Variants in NOL4 observed in about 807,000 individuals in gnomAD.
NOL4 encodes nucleolar protein 4.
NOL4 carries 17 observed loss-of-function variants against 75.9 expected under a neutral mutation model. The observed-to-expected ratio is 0.22, with a 90% CI of 0.15 to 0.34. NOL4 has a LOEUF of 0.34. NOL4 is among the 10% of genes least tolerant of loss of function. The pLI is 1.00. For synonymous variants in NOL4, 292 were observed against 289.9 expected, an observed-to-expected ratio of 1.01 and a Z score of -0.07; for missense variants, 614 against 793.5, an observed-to-expected ratio of 0.77 and a Z score of 2.72.
chr18:33,948,501 C>T (rs2068988559), intron 8 of NOL4, among the ~76,000 whole-genome samples: 1 of 151,934 alleles, frequency 6.6e-6, no homozygotes, highest in Admixed American at 6.6e-5. Flanking sequence ...TAGAGATAGT[C>T]TGCAACTAAG....
Position 33,852,724 on chromosome 18 carries a change from G to T in NOL4, c.*118C>A. The T allele has an allele frequency of 1.2e-6, 1 of 854,894 alleles. No homozygotes were observed. Among genetic ancestry groups the T allele is most frequent in the Non-Finnish European group, 1.8e-6 (1 of 557,590 alleles). 53.0% of individuals were successfully genotyped at this position (854,894 alleles called of 1,614,324 possible). On this transcript the variant is annotated 3_prime_UTR_variant, in exon 11 of 11. Transcript: ENST00000261592. ...CGGATCAAGGACAATGTGGCATAAT[G>T]GAAGTATTTCTCTTAAAAGACTGTG...
chr18:33,927,356 T>C (rs551089208), intron 9 of NOL4, among the ~76,000 whole-genome samples: 1 of 152,298 alleles, frequency 6.6e-6, no homozygotes, highest in East Asian at 1.9e-4. Context: ...TTCCTATCAT[T>C]TTTCTCCTGA....
rs1396145815 is a variant in NOL4 at position 34,142,298 on chromosome 18, A to G, written c.265-12278T>C. 3.9e-5 allele frequency among the ~76,000 whole-genome samples: 6 copies of G among 152,220 alleles called. No individual in the cohort carries two copies. In the East Asian group the frequency reaches 1.2e-3, roughly 29 times the overall value. ...CGATTCCTCAAGGATCTAGAACTAGAAATACCATTTGACCCAGCCATCCCA... is the reference window on the plus strand; with the variant it reads ...CGATTCCTCAAGGATCTAGAACTAGGAATACCATTTGACCCAGCCATCCCA... On this transcript the variant is annotated intron_variant, in intron 1 of 10. Coordinates refer to ENST00000261592, the MANE Select transcript of NOL4 (RefSeq NM_003787.5).
At chr18:33,887,023 A>G (rs2064758566) in intron 9 of NOL4, among the ~76,000 whole-genome samples, 1 of 140,260 alleles carries the variant, frequency 7.1e-6, no homozygotes. Context: ...ATATATCTAT[A>G]TATCTAGATA....
At chr18:33,902,618 TG>T (rs937082396) in intron 9 of NOL4, among the ~76,000 whole-genome samples, 1 of 152,130 alleles carries the variant, frequency 6.6e-6, no homozygotes, top group African/African-American at 2.4e-5. Context: ...ACTAATAACC[TG>T]GGACACACTT....
chr18:33,873,788 T>A (rs1484315700), intron 10 of NOL4, among the ~76,000 whole-genome samples: 2 of 151,956 alleles, frequency 1.3e-5, no homozygotes, highest in Admixed American at 6.6e-5. Flanking sequence ...TGCCTGCCCT[T>A]GTGCATAGTC....
intron 1 of NOL4, among the ~76,000 whole-genome samples, chr18:34,139,362 C>A (rs1268913439): frequency 2.6e-5 from 4 of 152,100 alleles, no homozygotes; most frequent in Middle Eastern, 3.4e-3. Context: ...AGAGCCTGTT[C>A]TTGGTCTATT....
At chr18:34,221,191 G>A (rs1038668424) in intron 1 of NOL4, 2 of 151,930 alleles carry the variant, frequency 1.3e-5, no homozygotes, top group Non-Finnish European at 2.9e-5. Flanking sequence ...TAACATAAAA[G>A]GAATGAAAAA....
At chr18:34,148,283 C>G (rs1380856333) in intron 1 of NOL4, among the ~76,000 whole-genome samples, 1 of 152,150 alleles carries the variant, frequency 6.6e-6, no homozygotes. Context: ...TCTTCCTTCT[C>G]TAGCTCTTTT....
chr18:34,073,959 G>A (rs1490671277), intron 5 of NOL4, among the ~76,000 whole-genome samples: 2 of 151,956 alleles, frequency 1.3e-5, no homozygotes, highest in East Asian at 3.9e-4. Context: ...GAGAAAGAAT[G>A]GGTGAATGCT....
intron 1 of NOL4, among the ~76,000 whole-genome samples, chr18:34,147,480 G>A (rs1600723946): frequency 6.6e-6 from 1 of 152,154 alleles, no homozygotes; most frequent in Middle Eastern, 3.4e-3. Context: ...TAATCATGTG[G>A]TTTTTGTCAT....
intron 2 of NOL4, among the ~76,000 whole-genome samples, chr18:34,116,612 CAG>C (rs1431521770): frequency 5.9e-5 from 9 of 152,088 alleles, no homozygotes; most frequent in African/African-American, 1.9e-4. Context: ...TTTTTAGTAT[CAG>C]AGTCTTCAGA....
intron 3 of NOL4, among the ~76,000 whole-genome samples, chr18:34,104,578 C>T (rs765901819): frequency 2.0e-5 from 3 of 151,848 alleles, no homozygotes; most frequent in Non-Finnish European, 4.4e-5. Flanking sequence ...ATCTCTGAGA[C>T]TGATATAATC....
chr18:34,056,063 G>A (rs1419859177), intron 5 of NOL4, among the ~76,000 whole-genome samples: 1 of 151,878 alleles, frequency 6.6e-6, no homozygotes, highest in Non-Finnish European at 1.5e-5. Flanking sequence ...TCTTTTTTGA[G>A]CTTACTGACC....
At chr18:33,992,430 C>T (rs1470633893) in intron 6 of NOL4, among the ~76,000 whole-genome samples, 1 of 151,894 alleles carries the variant, frequency 6.6e-6, no homozygotes, top group Non-Finnish European at 1.5e-5. Context: ...ATAAAACATA[C>T]AACGAACAAA....
chr18:33,986,303 G>A (rs895446068), intron 6 of NOL4, among the ~76,000 whole-genome samples: 1 of 152,172 alleles, frequency 6.6e-6, no homozygotes, highest in Admixed American at 6.6e-5. Flanking sequence ...TTACAACTCA[G>A]AGGAACTGTA....
At chr18:34,222,906 C>T in intron 1 of NOL4, 84 bp downstream of exon 1, 1 of 1,537,856 alleles carries the variant, frequency 6.5e-7, no homozygotes, top group South Asian at 1.2e-5. Flanking sequence ...GCTCACGGCT[C>T]CCCCTCTCTC....
chr18:34,137,456 A>G (rs189233834), intron 1 of NOL4, among the ~76,000 whole-genome samples: 2 of 152,312 alleles, frequency 1.3e-5, no homozygotes, highest in East Asian at 3.9e-4. Context: ...AAATAACCCA[A>G]TTTAAAAACT....
chr18:34,223,986 A>C lies in NOL4; in HGVS notation c.-733T>G, dbSNP rs1457018061. 1 of 152,256 alleles carries C rather than the reference A, an allele frequency of 6.6e-6. No individual in the cohort carries two copies. Among genetic ancestry groups the C allele is most frequent in the African/African-American group, 2.4e-5 (1 of 41,474 alleles). The allele number at this position is 152,256 out of a possible 1,614,324, so 9.4% of individuals were successfully genotyped here. A position where few individuals can be genotyped will look rare whatever the true frequency, so the allele number is the denominator to read the frequency against. Reference sequence around the variant, plus strand: ...ATTTTTTAAAACGGTTTAAAATGTCATTTCTTCAGATGCATTTTGAATAAA... The same window carrying C: ...ATTTTTTAAAACGGTTTAAAATGTCCTTTCTTCAGATGCATTTTGAATAAA... On this transcript the variant is annotated 5_prime_UTR_variant, in exon 1 of 11. An upstream start codon of the reference 5' UTR is lost. Transcript: ENST00000261592.
Sources: allele counts gnomAD v4.1 joint callset (sites outside exome capture counted in the v4.1 genomes callset), GRCh38; gene constraint gnomAD v4.1.1; transcripts MANE v1.5; gene names NCBI Gene and HGNC (gene_info 2026-07-23, HGNC 2026-07-21).